PTPN5: variants seen among roughly 807,000 people sequenced by gnomAD.
The protein encoded by PTPN5 is protein tyrosine phosphatase non-receptor type 5, also known as tyrosine-protein phosphatase non-receptor type 5.
PTPN5 carries 29 observed loss-of-function variants against 73.9 expected under a neutral mutation model. The observed-to-expected ratio is 0.39, with a 90% confidence interval of 0.29 to 0.54. The LOEUF is 0.54. Among genes scored for constraint, PTPN5 ranks in the 20% least tolerant of loss-of-function variants. The probability of loss-of-function intolerance (pLI) is 0.65; values close to 1 mark genes in which losing one functional copy is unlikely to be tolerated. For missense variants in PTPN5, 652 were observed against 751.4 expected (o/e 0.87, Z 1.55); for synonymous variants, 267 against 304.7 (o/e 0.88, Z 1.29).
At chr11:18,772,209 C>T (rs1294654516) in intron 1 of PTPN5, 138 bp from the exon 2 acceptor site, 4 of 525,370 alleles carry the variant, frequency 7.6e-6, no homozygotes, top group African/African-American at 6.1e-5. Context: ...CTGCTTGCCT[C>T]TTGCTACACA....
In PTPN5 at chr11:18,747,441, G is replaced by A. The variant is rs560164643; in HGVS notation, c.98-3242C>T. Among the ~76,000 whole-genome samples the A allele has an allele frequency of 2.0e-5, 3 of 152,276 alleles. No individual in the cohort carries two copies. In the South Asian group the frequency reaches 6.2e-4, roughly 32 times the overall value. Reference sequence around the variant, plus strand: ...GCTGGAATTACAGGCGTGAGCCACCGCGCCTGGCCTGTATTAAGATATATG... The same window carrying A: ...GCTGGAATTACAGGCGTGAGCCACCACGCCTGGCCTGTATTAAGATATATG... On this transcript the variant is annotated intron_variant, in intron 3 of 14. Transcript: ENST00000358540.
intron 9 of PTPN5, among the ~76,000 whole-genome samples, chr11:18,736,353 C>A (rs959650524): frequency 6.6e-6 from 1 of 152,150 alleles, no homozygotes; most frequent in Non-Finnish European, 1.5e-5. Flanking sequence ...TGGGACACGG[C>A]GGAGAAGGGG....
rs1849319840 is a variant in PTPN5, at chr11:18,740,642, T to C, written c.876A>G (p.Glu292=). ...GCAGCAGGAAAGGGTCCAGGGCCTT[T>C]TCATGAAGCTCTTCTGCTTGGAGGA... ...SRVLQAEELH[E]KALDPFLLQA... Residue 292 remains glutamate, a synonymous_variant, in exon 8 of 15, where the codon GAA becomes GAG. Coordinates refer to ENST00000358540, the MANE Select transcript of PTPN5 (RefSeq NM_006906.2). 1 of 1,594,940 alleles carries C rather than the reference T, an allele frequency of 6.3e-7. No homozygotes were observed. Among genetic ancestry groups the C allele is most frequent in the African/African-American group, 1.4e-5 (1 of 73,776 alleles).
chr11:18,755,123 G>A (rs1850070804), intron 3 of PTPN5, among the ~76,000 whole-genome samples: 1 of 152,232 alleles, frequency 6.6e-6, no homozygotes. Context: ...GGAACCAGCT[G>A]CCCTGCAGTG....
rs201873646 is a variant in PTPN5, at chr11:18,740,581, C to T, written c.915+22G>A. ...TGACATGGGTCTGCACACAGTGGGG[C>T]GACCGGCTCAAGGGAACTCACAAAG... On this transcript the variant is annotated intron_variant, in intron 8 of 14. Transcript: ENST00000358540. The T allele has an allele frequency of 5.9e-4, 889 of 1,515,888 alleles. 10 individuals are homozygous for T. In the South Asian group the frequency reaches 6.3e-3, roughly 11 times the overall value. 93.9% of individuals were successfully genotyped at this position (1,515,888 alleles called of 1,614,324 possible).
rs1455279268 is a variant in PTPN5 at position 18,733,098 on chromosome 11, C to A, written c.1218+137G>T. On this transcript the variant is annotated intron_variant, in intron 11 of 14. Transcript: ENST00000358540. The surrounding 1 kb of genome is among the most constrained non-coding windows in gnomAD (Gnocchi z 4.3). ...GGGCAAATGACTTAACCTTACCGAGCCTCACATCTCCTCATCTTGGCAGCG... is the reference window on the plus strand; with the variant it reads ...GGGCAAATGACTTAACCTTACCGAGACTCACATCTCCTCATCTTGGCAGCG... 23 of 1,317,490 alleles carry A rather than the reference C, an allele frequency of 1.7e-5. No homozygotes were observed. The highest frequency in any genetic ancestry group is 2.3e-5 in the Non-Finnish European group (22 of 961,014). 81.6% of individuals were successfully genotyped at this position (1,317,490 alleles called of 1,614,324 possible).
chr11:18,787,843 G>A (rs770523666), intron 1 of PTPN5, among the ~76,000 whole-genome samples: 1 of 152,124 alleles, frequency 6.6e-6, no homozygotes, highest in Non-Finnish European at 1.5e-5. Context: ...TTTTAGCAAC[G>A]TATCCCTAGG....
At chr11:18,758,507 T>C (rs1335936025) in intron 3 of PTPN5, among the ~76,000 whole-genome samples, 1 of 152,134 alleles carries the variant, frequency 6.6e-6, no homozygotes, top group African/African-American at 2.4e-5. Context: ...TGATGCCACA[T>C]GGAATGGAAG....
rs191865426 is a variant in PTPN5, at chr11:18,779,007, C to T, written c.-113-6936G>A. 7.9e-5 allele frequency among the ~76,000 whole-genome samples: 12 copies of T among 152,274 alleles called. No homozygotes were observed. In the East Asian group the frequency reaches 2.3e-3, roughly 29 times the overall value. ...GATGGTCCATGATGATCCCTTCTGG[C>T]ATCTGCTCCGCTCCTCATTGCTTAC... On this transcript the variant is annotated intron_variant, in intron 1 of 14. Coordinates refer to ENST00000358540, the MANE Select transcript of PTPN5 (RefSeq NM_006906.2).
chr11:18,791,284 T>G (rs1036131011), intron 1 of PTPN5, among the ~76,000 whole-genome samples: 2 of 152,142 alleles, frequency 1.3e-5, no homozygotes, highest in Non-Finnish European at 2.9e-5. Flanking sequence ...ACGGGCTTCG[T>G]GGGGAGTGGC....
At chr11:18,743,516 G>T in intron 4 of PTPN5, 87 bp from the exon 5 acceptor site, 2 of 1,210,170 alleles carry the variant, frequency 1.7e-6, no homozygotes, top group South Asian at 1.2e-5. Context: ...CCTCAACCTG[G>T]CCCTGCATGG....
intron 3 of PTPN5, among the ~76,000 whole-genome samples, chr11:18,746,162 A>AATATAAATATATATATATATAT (rs1291741015): frequency 1.5e-5 from 1 of 67,636 alleles, no homozygotes; most frequent in African/African-American, 4.4e-5. Context: ...TATAAATATA[A>AATATAAATATATATATATATAT]ATATATATAT....
chr11:18,783,946 T>C (rs1297017379), intron 1 of PTPN5, among the ~76,000 whole-genome samples: 2 of 152,214 alleles, frequency 1.3e-5, no homozygotes, highest in South Asian at 4.1e-4. Context: ...TCATTTGTAT[T>C]CTGTTCCCTC....
Position 18,742,582 on chromosome 11 carries a change from C to A in PTPN5, c.484-79G>T. 6.4e-7 allele frequency: 1 copy of A among 1,557,966 alleles called. No homozygotes were observed. The highest frequency in any genetic ancestry group is 1.2e-5 in the South Asian group (1 of 83,294). ...GTTCCTGGAGTGCCCATGGGATTGA[C>A]GCCCCCCCACTCCCTCAGTGTGTCT... On this transcript the variant is annotated intron_variant, in intron 6 of 14. Coordinates refer to ENST00000358540, the MANE Select transcript of PTPN5 (RefSeq NM_006906.2). This position sits in a 1 kb window ranked among gnomAD's most constrained non-coding sequence, Gnocchi z 4.1.
chr11:18,743,580 G>T, intron 4 of PTPN5, 151 bp from the exon 5 acceptor site: 1 of 681,154 alleles, frequency 1.5e-6, no homozygotes, highest in Admixed American at 2.6e-5. Context: ...GGGCCCCGGT[G>T]CTGCGTGCCC....
At chr11:18,737,990 A>C in intron 8 of PTPN5, 26 bp from the exon 9 acceptor site, 1 of 1,589,576 alleles carries the variant, frequency 6.3e-7, no homozygotes, top group Non-Finnish European at 8.6e-7. Flanking sequence ...ACGGGGTGTG[A>C]GCAGCTATGG....
At chr11:18,756,920 T>TAAAAAAAAAAAAAAA (rs1564910476) in intron 3 of PTPN5, among the ~76,000 whole-genome samples, 1 of 110,152 alleles carries the variant, frequency 9.1e-6, no homozygotes, top group Non-Finnish European at 1.8e-5. Flanking sequence ...CAAGACTCCA[T>TAAAAAAAAAAAAAAA]CAAAAAAAAA....
At chr11:18,745,164 T>C (rs1026093918) in intron 3 of PTPN5, among the ~76,000 whole-genome samples, 1 of 152,192 alleles carries the variant, frequency 6.6e-6, no homozygotes, top group African/African-American at 2.4e-5. Context: ...ACTCACAGGA[T>C]TTAGTTTACT....
intron 3 of PTPN5, among the ~76,000 whole-genome samples, chr11:18,764,558 T>G (rs930951849): frequency 1.3e-5 from 2 of 152,186 alleles, no homozygotes; most frequent in African/African-American, 2.4e-5. Flanking sequence ...AGTCATCGCT[T>G]TAGACTCATA....
Sources: allele counts gnomAD v4.1 joint callset (sites outside exome capture counted in the v4.1 genomes callset), GRCh38; gene constraint gnomAD v4.1.1; non-coding constraint Gnocchi (gnomAD v3.1); transcripts MANE v1.5; gene names NCBI Gene and HGNC (gene_info 2026-07-23, HGNC 2026-07-21).